ZNF267: variants seen among roughly 807,000 people sequenced by gnomAD.
ZNF267 encodes zinc finger protein 267.
ZNF267 carries 61 observed loss-of-function variants against 71.6 expected under a neutral mutation model. That is an observed-to-expected ratio of 0.85 (90% CI 0.69 to 1.05). ZNF267 has a LOEUF of 1.05. Ranked by LOEUF, ZNF267 falls within the 50% of genes least tolerant of loss-of-function variation. The pLI is 0.00. For missense variants in ZNF267, 852 were observed against 870.0 expected, an observed-to-expected ratio of 0.98 and a Z score of 0.26; for synonymous variants, 288 against 293.2, an observed-to-expected ratio of 0.98 and a Z score of 0.18.
chr16:31,877,810 T>C (rs1049980247), intron 1 of ZNF267, among the ~76,000 whole-genome samples: 4 of 152,074 alleles, frequency 2.6e-5, no homozygotes, highest in Admixed American at 6.5e-5. Flanking sequence ...TCCTATTTTT[T>C]CCCACTACTT....
intron 1 of ZNF267, among the ~76,000 whole-genome samples, chr16:31,876,507 C>T (rs1278734366): frequency 6.6e-6 from 1 of 152,234 alleles, no homozygotes. Context: ...GCATGAGCCA[C>T]CATGCCTGGC....
Position 31,916,363 on chromosome 16 carries a change from C to A in ZNF267, c.2114C>A (p.Thr705Lys). ...KAFSYRSYLT[T>K]HRRSHSGERP... ...TTCAGCTATAGGTCATACCTCACTACACATCGGAGAAGTCATAGTGGAGAG... is the reference window on the plus strand; with the variant it reads ...TTCAGCTATAGGTCATACCTCACTAAACATCGGAGAAGTCATAGTGGAGAG... The change falls in exon 4 of 4, where the codon ACA (threonine) becomes AAA (lysine). Residue 705 changes from threonine to lysine, a missense_variant. Thr to Lys is a moderately conservative substitution (Grantham distance 78). Coordinates refer to ENST00000300870, the MANE Select transcript of ZNF267 (RefSeq NM_003414.6). 6.2e-7 allele frequency: 1 copy of A among 1,613,478 alleles called. No homozygotes were observed. The highest frequency in any genetic ancestry group is 1.7e-4 in the Middle Eastern group (1 of 6,058).
chr16:31,916,103 T>C lies in ZNF267; in HGVS notation c.1854T>C (p.Asp618=), dbSNP rs192627498. Residue 618 remains aspartate, a synonymous_variant, in exon 4 of 4, where the codon GAT becomes GAC. Coordinates refer to ENST00000300870, the MANE Select transcript of ZNF267 (RefSeq NM_003414.6). ...GCAAAGCCTTTAGTTATAGTTCAGA[T>C]GTTATTCAGCATCGGAGAATTCATA... ...ECGKAFSYSS[D]VIQHRRIHTG... 6 of 1,614,074 alleles carry C rather than the reference T, an allele frequency of 3.7e-6. No individual in the cohort carries two copies. The East Asian group carries it at 1.3e-4, about 36-fold the overall frequency.
intron 3 of ZNF267, among the ~76,000 whole-genome samples, chr16:31,901,445 C>T (rs1270432021): frequency 6.6e-6 from 1 of 152,224 alleles, no homozygotes; most frequent in Non-Finnish European, 1.5e-5. Context: ...TATTTCTCCA[C>T]ATCCTCTCCA....
chr16:31,895,893 T>G (rs1306791892), intron 3 of ZNF267, among the ~76,000 whole-genome samples: 1 of 152,240 alleles, frequency 6.6e-6, no homozygotes, highest in Non-Finnish European at 1.5e-5. Context: ...TATGTATAGT[T>G]TGCAAATATT....
intron 3 of ZNF267, 161 bp from the exon 4 acceptor site, chr16:31,914,315 A>G: frequency 1.6e-6 from 1 of 622,536 alleles, no homozygotes; most frequent in Admixed American, 3.5e-5. Flanking sequence ...GTGCCACTTT[A>G]TTGTAGTAAA....
intron 1 of ZNF267, among the ~76,000 whole-genome samples, chr16:31,877,440 G>A (rs932885189): frequency 3.7e-4 from 56 of 152,224 alleles, no homozygotes; most frequent in African/African-American, 1.3e-3. Flanking sequence ...AGGTAGGAGG[G>A]GAAGGGCAGG....
At chr16:31,905,702 G>T (rs192518347) in intron 3 of ZNF267, among the ~76,000 whole-genome samples, 1 of 151,982 alleles carries the variant, frequency 6.6e-6, no homozygotes, top group East Asian at 1.9e-4. Flanking sequence ...TTTTTTTCAA[G>T]GTTTTTAACT....
At chr16:31,904,012 A>G (rs2084065115) in intron 3 of ZNF267, among the ~76,000 whole-genome samples, 1 of 152,220 alleles carries the variant, frequency 6.6e-6, no homozygotes, top group Non-Finnish European at 1.5e-5. Context: ...GTTTCAAAGA[A>G]CGTCTTTATT....
chr16:31,887,081 T>A (rs1219741156), intron 3 of ZNF267, among the ~76,000 whole-genome samples: 4 of 152,220 alleles, frequency 2.6e-5, no homozygotes, highest in Non-Finnish European at 4.4e-5. Context: ...TTATTGACTC[T>A]TTGACAGCAG....
At chr16:31,878,451 G>C (rs1054651039) in intron 1 of ZNF267, among the ~76,000 whole-genome samples, 1 of 152,118 alleles carries the variant, frequency 6.6e-6, no homozygotes, top group Non-Finnish European at 1.5e-5. Context: ...TTGACTGTCA[G>C]GAATTGCACC....
intron 3 of ZNF267, among the ~76,000 whole-genome samples, chr16:31,888,450 C>T (rs1369516867): frequency 6.6e-6 from 1 of 151,892 alleles, no homozygotes; most frequent in African/African-American, 2.4e-5. Context: ...GTTTCTGATA[C>T]TAGAGGAAAC....
At chr16:31,894,857 G>A in intron 3 of ZNF267, 1 of 437,020 alleles carries the variant, frequency 2.3e-6, no homozygotes, top group Non-Finnish European at 4.5e-6. Flanking sequence ...GTGGAGTGTT[G>A]AGCTGTCTCT....
At chr16:31,903,631 A>G (rs1444584524) in intron 3 of ZNF267, among the ~76,000 whole-genome samples, 3 of 152,000 alleles carry the variant, frequency 2.0e-5, no homozygotes, top group Non-Finnish European at 4.4e-5. Context: ...ATCGGTGGTG[A>G]TATCCCCTTT....
chr16:31,874,140 C>T (rs2083834969), intron 1 of ZNF267, 171 bp downstream of exon 1: 6 of 690,272 alleles, frequency 8.7e-6, no homozygotes, highest in Non-Finnish European at 1.4e-5. Flanking sequence ...AGATGGCGGC[C>T]AGGCCGGCAG....
chr16:31,914,369 C>G, intron 3 of ZNF267, 107 bp from the exon 4 acceptor site: 1 of 1,044,260 alleles, frequency 9.6e-7, no homozygotes, highest in Non-Finnish European at 1.3e-6. Flanking sequence ...GTTTTTCACT[C>G]AACTGTTGTT....
In ZNF267 at chr16:31,900,545, C is replaced by T. The variant is rs373087090; in HGVS notation, c.227-13931C>T. Among the ~76,000 whole-genome samples, 8 of 152,094 alleles carry T rather than the reference C, an allele frequency of 5.3e-5. 1 individual carries two copies. The South Asian group carries it at 6.2e-4, about 12-fold the overall frequency. On this transcript the variant is annotated intron_variant, in intron 3 of 3. Coordinates refer to ENST00000300870, the MANE Select transcript of ZNF267 (RefSeq NM_003414.6). Reference sequence around the variant, plus strand: ...CTGCAGGCTCCGCCTCCTGGGTTCACGCCATTCTCCTGCCTCAGCCTCTTG... The same window carrying T: ...CTGCAGGCTCCGCCTCCTGGGTTCATGCCATTCTCCTGCCTCAGCCTCTTG...
intron 3 of ZNF267, among the ~76,000 whole-genome samples, chr16:31,908,370 GTA>G (rs1322093704): frequency 6.6e-6 from 1 of 152,100 alleles, no homozygotes; most frequent in African/African-American, 2.4e-5. Flanking sequence ...ACTTTATTGA[GTA>G]TTTCCTTTGT....
intron 3 of ZNF267, among the ~76,000 whole-genome samples, chr16:31,900,606 A>C (rs1292718815): frequency 6.6e-6 from 1 of 151,792 alleles, no homozygotes; most frequent in East Asian, 1.9e-4. Flanking sequence ...CACCACGCCC[A>C]GCTATTTTTT....
Sources: gnomAD v4.1 joint callset for allele counts (sites outside exome capture counted in the v4.1 genomes callset) on GRCh38, gnomAD v4.1.1 for gene constraint, MANE v1.5 for transcripts, NCBI Gene and HGNC (gene_info 2026-07-23, HGNC 2026-07-21) for gene names.